Variants in BTAF1 observed in about 807,000 individuals in gnomAD.
BTAF1 encodes the protein TATA-binding protein-associated factor 172.
In BTAF1, 38 loss-of-function variants were observed where a neutral mutation model predicts 227.1. That is an observed-to-expected ratio of 0.17 (90% CI 0.13 to 0.22). BTAF1 has a LOEUF of 0.22. Among genes scored for constraint, BTAF1 ranks in the 10% least tolerant of loss-of-function variants. The probability of loss-of-function intolerance (pLI) is 1.00; values close to 1 mark genes in which losing one functional copy is unlikely to be tolerated. For synonymous variants in BTAF1, 742 were observed against 751.9 expected (o/e 0.99, Z 0.21); for missense variants, 1,598 against 2,204.0 (o/e 0.73, Z 5.51).
intron 25 of BTAF1, among the ~76,000 whole-genome samples, chr10:92,006,699 G>A (rs892612135): frequency 6.6e-6 from 1 of 152,186 alleles, no homozygotes; most frequent in East Asian, 1.9e-4. Flanking sequence ...ACAAGTTAAT[G>A]TGAGTTGTTT....
At chr10:91,953,587 A>C in intron 5 of BTAF1, 150 bp from the exon 6 acceptor site, 1 of 831,972 alleles carries the variant, frequency 1.2e-6, no homozygotes, top group South Asian at 2.1e-5. Context: ...TGGTACAGTC[A>C]TACAACAAAA....
chr10:92,029,084 G>A lies in BTAF1; in HGVS notation c.*151G>A. 1.6e-6 allele frequency: 1 copy of A among 630,318 alleles called. No homozygotes were observed. The highest frequency in any genetic ancestry group is 2.5e-6 in the Non-Finnish European group (1 of 399,858). 39.0% of individuals were successfully genotyped at this position (630,318 alleles called of 1,614,324 possible). On this transcript the variant is annotated 3_prime_UTR_variant, in exon 38 of 38. Coordinates refer to ENST00000265990, the MANE Select transcript of BTAF1 (RefSeq NM_003972.3). ...AATGCTGGCTCTTGTTTCACTGGGG[G>A]AAACAAGTTATTCTCAAATATTTGC...
intron 25 of BTAF1, among the ~76,000 whole-genome samples, chr10:92,007,719 T>C (rs992483357): frequency 1.3e-5 from 2 of 152,238 alleles, no homozygotes; most frequent in African/African-American, 2.4e-5. Context: ...GTTTTTCTTT[T>C]ATTATGAAAT....
chr10:91,954,162 T>G (rs897618509), intron 6 of BTAF1, among the ~76,000 whole-genome samples: 7 of 152,124 alleles, frequency 4.6e-5, no homozygotes, highest in African/African-American at 1.4e-4. Context: ...TTAAATGCCT[T>G]AAACATGGAA....
At chr10:92,001,734 C>T (rs1849543444) in intron 25 of BTAF1, among the ~76,000 whole-genome samples, 2 of 152,006 alleles carry the variant, frequency 1.3e-5, no homozygotes, top group African/African-American at 4.8e-5. Flanking sequence ...ATTACCACGC[C>T]CAAAAATATG....
In BTAF1 at chr10:91,984,273, G is replaced by A. The variant is rs769390194; in HGVS notation, c.2296G>A (p.Glu766Lys). 6.2e-7 allele frequency: 1 copy of A among 1,613,834 alleles called. No individual in the cohort carries two copies. Residue 766 changes from glutamate (E) to lysine (K), a missense_variant, in exon 19 of 38, where the codon GAA becomes AAA. Physicochemically the swap from Glu to Lys is moderately conservative, Grantham distance 56 (BLOSUM62 1). This residue lies in a region of BTAF1 where 318 missense variants were observed against 435.0 expected (regional missense o/e 0.73). Transcript: ENST00000265990. ...CCTTTCAGAACATTTATATTATGAC[G>A]AAATTGCCGTTCCATTCACACGAAT... ...DILSEHLYYD[E>K]IAVPFTRMQN...
At chr10:92,026,871 G>A in intron 36 of BTAF1, 120 bp downstream of exon 36, 2 of 1,135,264 alleles carry the variant, frequency 1.8e-6, no homozygotes, top group Non-Finnish European at 2.4e-6. Context: ...TTATGACCTT[G>A]GACAGATCAC....
At chr10:91,950,071 G>A (rs187504802) in intron 4 of BTAF1, among the ~76,000 whole-genome samples, 2 of 150,252 alleles carry the variant, frequency 1.3e-5, no homozygotes, top group Admixed American at 6.7e-5. Flanking sequence ...AAGTCCAGGA[G>A]TTTGAGGCTG....
intron 14 of BTAF1, 98 bp from the exon 15 acceptor site, chr10:91,980,356 T>C: frequency 1.1e-6 from 1 of 894,120 alleles, no homozygotes; most frequent in South Asian, 1.5e-5. Context: ...ATGCAGTCTT[T>C]TCATGGTAGT....
At chr10:91,964,766 T>C (rs1846767248) in intron 13 of BTAF1, among the ~76,000 whole-genome samples, 2 of 152,200 alleles carry the variant, frequency 1.3e-5, no homozygotes, top group South Asian at 2.1e-4. Context: ...TGTCCTGATA[T>C]ATGAATCTCA....
At chr10:91,939,432 T>C (rs1844849951) in intron 2 of BTAF1, among the ~76,000 whole-genome samples, 1 of 152,228 alleles carries the variant, frequency 6.6e-6, no homozygotes, top group African/African-American at 2.4e-5. Flanking sequence ...AAACATTCTT[T>C]TATTACAAGT....
intron 19 of BTAF1, among the ~76,000 whole-genome samples, chr10:91,987,834 AT>A (rs1353647369): frequency 6.6e-5 from 10 of 152,062 alleles, no homozygotes; most frequent in African/African-American, 2.2e-4. Context: ...CGCTACACTT[AT>A]TCACTTCTGC....
At chr10:92,014,134 C>G in intron 32 of BTAF1, 105 bp downstream of exon 32, 2 of 1,203,210 alleles carry the variant, frequency 1.7e-6, no homozygotes, top group Non-Finnish European at 2.3e-6. Context: ...TTGGCTTTAT[C>G]AGATGCAGAT....
intron 3 of BTAF1, 139 bp from the exon 4 acceptor site, chr10:91,942,283 C>CT (rs2133819370): frequency 1.6e-6 from 1 of 641,944 alleles, no homozygotes; most frequent in East Asian, 3.3e-5. Context: ...GACCTCACTT[C>CT]TTAAAAAAAA....
rs1324649958 is a variant in BTAF1 at position 92,029,616 on chromosome 10, A to T, written c.*683A>T. 1 of 151,842 alleles carries T rather than the reference A, an allele frequency of 6.6e-6. No individual in the cohort carries two copies. Among genetic ancestry groups the T allele is most frequent in the African/African-American group, 2.4e-5 (1 of 41,384 alleles). 9.4% of individuals were successfully genotyped at this position (151,842 alleles called of 1,614,324 possible). ...TCCTATTTAGAGGGTGGTTTTTTTTAATTTATCTAATGGCTACGATATAGC... is the reference window on the plus strand; with the variant it reads ...TCCTATTTAGAGGGTGGTTTTTTTTTATTTATCTAATGGCTACGATATAGC... On this transcript the variant is annotated 3_prime_UTR_variant, in exon 38 of 38. Transcript: ENST00000265990.
intron 1 of BTAF1, among the ~76,000 whole-genome samples, chr10:91,927,980 CTTTT>C (rs60105160): frequency 1.9e-4 from 23 of 121,570 alleles, no homozygotes; most frequent in South Asian, 2.7e-4. Flanking sequence ...TGCCTTTTTT[CTTTT>C]TTTTTTTTTT....
intron 3 of BTAF1, among the ~76,000 whole-genome samples, chr10:91,942,134 C>T (rs766999909): frequency 7.2e-5 from 11 of 152,072 alleles, no homozygotes; most frequent in Non-Finnish European, 1.6e-4. Flanking sequence ...ATAAAAAACA[C>T]TTAGCTAGGC....
chr10:91,935,393 T>A (rs934450338), intron 1 of BTAF1, among the ~76,000 whole-genome samples: 2 of 152,178 alleles, frequency 1.3e-5, no homozygotes, highest in African/African-American at 4.8e-5. Flanking sequence ...TCCCTCTTGC[T>A]TTTCCTACCC....
At chr10:91,935,072 CTAGCA>C (rs1209115444) in intron 1 of BTAF1, 1 of 152,126 alleles carries the variant, frequency 6.6e-6, no homozygotes, top group Non-Finnish European at 1.5e-5. Flanking sequence ...TCTTGTAGTC[CTAGCA>C]TAGGTCACTT....
Sources: allele counts gnomAD v4.1 joint callset (sites outside exome capture counted in the v4.1 genomes callset), GRCh38; gene constraint gnomAD v4.1.1; regional missense constraint gnomAD v4.1.1; transcripts MANE v1.5; gene names NCBI Gene and HGNC (gene_info 2026-07-23, HGNC 2026-07-21).